Variants in MCTP1 observed in about 807,000 individuals in gnomAD.
MCTP1 encodes multiple C2 and transmembrane domain-containing protein 1.
MCTP1 carries 69 observed loss-of-function variants against 120.6 expected under a neutral mutation model. The ratio of observed to expected loss-of-function variants is 0.57; its 90% CI spans 0.47 to 0.70. The LOEUF (loss-of-function observed/expected upper bound fraction) is 0.70, where lower values mean the gene tolerates loss of function less well. Ranked by LOEUF, MCTP1 falls within the 30% of genes least tolerant of loss-of-function variation. The pLI is 0.00. For missense variants in MCTP1, 1,203 were observed against 1,248.8 expected, an observed-to-expected ratio of 0.96 and a Z score of 0.55; for synonymous variants, 529 against 493.1, an observed-to-expected ratio of 1.07 and a Z score of -0.96.
At chr5:95,006,219 A>C (rs1834713640) in intron 2 of MCTP1, among the ~76,000 whole-genome samples, 1 of 152,090 alleles carries the variant, frequency 6.6e-6, no homozygotes, top group Admixed American at 6.6e-5. Context: ...TATATGTATT[A>C]TTCAGAAGCT....
chr5:95,240,832 T>TC (rs1756081385), intron 1 of MCTP1, among the ~76,000 whole-genome samples: 1 of 152,114 alleles, frequency 6.6e-6, no homozygotes, highest in Non-Finnish European at 1.5e-5. Flanking sequence ...TTATCCACAT[T>TC]CTTTTCATAC....
chr5:94,859,797 A>C (rs1795399507), intron 17 of MCTP1, among the ~76,000 whole-genome samples: 1 of 151,722 alleles, frequency 6.6e-6, no homozygotes, highest in Non-Finnish European at 1.5e-5. Context: ...CCAGTATATT[A>C]ATTTGTGGTA....
intron 1 of MCTP1, among the ~76,000 whole-genome samples, chr5:95,249,899 T>C (rs1361482716): frequency 6.6e-6 from 1 of 152,046 alleles, no homozygotes; most frequent in Non-Finnish European, 1.5e-5. Context: ...AAGCAAACTA[T>C]CACAAGGACA....
chr5:94,859,639 A>G (rs1561761040), intron 17 of MCTP1, among the ~76,000 whole-genome samples: 1 of 151,768 alleles, frequency 6.6e-6, no homozygotes, highest in Non-Finnish European at 1.5e-5. Flanking sequence ...CCAGATACAT[A>G]CTGACACTCT....
chr5:94,912,578 A>T (rs1198594468), intron 9 of MCTP1, among the ~76,000 whole-genome samples: 1 of 150,984 alleles, frequency 6.6e-6, no homozygotes, highest in Non-Finnish European at 1.5e-5. Flanking sequence ...TATTATTGCT[A>T]TGTTGTAGAT....
At chr5:95,222,375 C>G (rs1254650611) in intron 1 of MCTP1, among the ~76,000 whole-genome samples, 1 of 152,198 alleles carries the variant, frequency 6.6e-6, no homozygotes, top group Admixed American at 6.5e-5. Context: ...AAAAGAGAGA[C>G]TAGATACTGG....
At chr5:95,189,611 G>T (rs759840474) in intron 1 of MCTP1, among the ~76,000 whole-genome samples, 2 of 152,094 alleles carry the variant, frequency 1.3e-5, no homozygotes, top group Non-Finnish European at 2.9e-5. Context: ...ACCAGTCAAG[G>T]AAATAGGGCA....
chr5:95,207,471 A>C (rs1436023379), intron 1 of MCTP1, among the ~76,000 whole-genome samples: 1 of 152,160 alleles, frequency 6.6e-6, no homozygotes, highest in Non-Finnish European at 1.5e-5. Context: ...TACTCTTCAA[A>C]ATGCTTTTTA....
At chr5:95,003,933 G>C (rs1407429248) in intron 2 of MCTP1, among the ~76,000 whole-genome samples, 1 of 152,130 alleles carries the variant, frequency 6.6e-6, no homozygotes, top group Non-Finnish European at 1.5e-5. Context: ...ACAGTTTTGA[G>C]GGCTCAGAAG....
intron 1 of MCTP1, among the ~76,000 whole-genome samples, chr5:95,144,275 A>G (rs1016531933): frequency 6.6e-6 from 1 of 151,754 alleles, no homozygotes; most frequent in African/African-American, 2.4e-5. Flanking sequence ...TTGTTTGTGG[A>G]TTTAAGTTCC....
chr5:94,837,379 T>C (rs1281321211), intron 17 of MCTP1, among the ~76,000 whole-genome samples: 1 of 152,086 alleles, frequency 6.6e-6, no homozygotes, highest in Non-Finnish European at 1.5e-5. Context: ...ACACCCTGTC[T>C]CAAACAAACA....
At chr5:95,030,351 C>G (rs1840046190) in intron 1 of MCTP1, among the ~76,000 whole-genome samples, 1 of 152,194 alleles carries the variant, frequency 6.6e-6, no homozygotes, top group African/African-American at 2.4e-5. Flanking sequence ...AGCTCCTATT[C>G]TTAACTGCTA....
At chr5:94,718,600 T>A (rs2152603674) in intron 19 of MCTP1, among the ~76,000 whole-genome samples, 1 of 151,780 alleles carries the variant, frequency 6.6e-6, no homozygotes, top group South Asian at 2.1e-4. Flanking sequence ...TGGCAGAAAA[T>A]TTTTTCAATC....
At chr5:94,935,331 T>C (rs1330283027) in intron 5 of MCTP1, among the ~76,000 whole-genome samples, 1 of 151,950 alleles carries the variant, frequency 6.6e-6, no homozygotes, top group Non-Finnish European at 1.5e-5. Flanking sequence ...GAACTGGCAA[T>C]CCACACAAGG....
intron 1 of MCTP1, among the ~76,000 whole-genome samples, chr5:95,065,551 A>G (rs1195514122): frequency 1.3e-5 from 2 of 152,192 alleles, no homozygotes; most frequent in Non-Finnish European, 2.9e-5. Flanking sequence ...CATTTGATAG[A>G]ATTCAATACT....
intron 2 of MCTP1, among the ~76,000 whole-genome samples, chr5:94,988,597 G>T (rs73774856): frequency 0.03 from 3,465 of 117,416 alleles, 190 homozygotes; most frequent in African/African-American, 0.11. Context: ...CCCTGTGTGT[G>T]TTTTTTTTTT....
At chr5:94,777,497 AC>A (rs1775633547) in intron 19 of MCTP1, among the ~76,000 whole-genome samples, 2 of 152,278 alleles carry the variant, frequency 1.3e-5, no homozygotes, top group Admixed American at 1.3e-4. Context: ...GACATTAAGT[AC>A]TAGACTTCAC....
At chr5:94,804,609 T>G (rs1781923043) in intron 17 of MCTP1, among the ~76,000 whole-genome samples, 1 of 152,094 alleles carries the variant, frequency 6.6e-6, no homozygotes, top group Non-Finnish European at 1.5e-5. Flanking sequence ...CGGCTAATTT[T>G]TTGTATTTTT....
Position 95,226,454 on chromosome 5 carries a change from C to G in MCTP1, c.720+57402G>C, listed in dbSNP as rs539543130. On this transcript the variant is annotated intron_variant, in intron 1 of 22. Transcript: ENST00000515393. ...TGAGCAAAAATAGTATGAAGAATCT[C>G]TGTGTGACAGGTGCAGGATTTTTCA... Among the ~76,000 whole-genome samples the G allele has an allele frequency of 3.7e-4, 56 of 152,282 alleles. 1 individual carries two copies. Among genetic ancestry groups the G allele is most frequent in the Admixed American group, 1.6e-3 (25 of 15,294 alleles).
Sources: allele counts gnomAD v4.1 joint callset (sites outside exome capture counted in the v4.1 genomes callset), GRCh38; gene constraint gnomAD v4.1.1; transcripts MANE v1.5; gene names NCBI Gene and HGNC (gene_info 2026-07-23, HGNC 2026-07-21).